The following OXR1 variants were observed in gnomAD, a reference collection of about 807,000 sequenced individuals.
OXR1 encodes oxidation resistance 1.
A neutral mutation model predicts 104.6 loss-of-function variants in OXR1; 41 were observed. The ratio of observed to expected loss-of-function variants is 0.39; its 90% CI spans 0.31 to 0.51. The LOEUF is 0.51. OXR1 is among the 20% of genes least tolerant of loss of function. The pLI is 0.77. For synonymous variants in OXR1, 348 were observed against 348.4 expected (o/e 1.00, Z 0.01); for missense variants, 955 against 1,031.9 (o/e 0.93, Z 1.02).
intron 2 of OXR1, among the ~76,000 whole-genome samples, chr8:106,431,787 T>C (rs955960990): frequency 6.6e-6 from 1 of 152,194 alleles, no homozygotes; most frequent in African/African-American, 2.4e-5. Context: ...TATCACTGTA[T>C]CTGTTTAGAG....
intron 3 of OXR1, among the ~76,000 whole-genome samples, chr8:106,572,650 T>A (rs1296877666): frequency 1.3e-5 from 2 of 152,220 alleles, no homozygotes; most frequent in South Asian, 2.1e-4. Context: ...AGCCAAGATT[T>A]TTTTTGCTTC....
At chr8:106,542,926 A>G (rs1815069469) in intron 3 of OXR1, among the ~76,000 whole-genome samples, 3 of 152,166 alleles carry the variant, frequency 2.0e-5, no homozygotes, top group Admixed American at 2.0e-4. Flanking sequence ...GATTGCCCCC[A>G]AAGAGTTGAG....
At chr8:106,504,863 T>A (rs1185292720) in intron 2 of OXR1, among the ~76,000 whole-genome samples, 1 of 152,202 alleles carries the variant, frequency 6.6e-6, no homozygotes, top group Admixed American at 6.5e-5. Flanking sequence ...CTGGCTTTGT[T>A]AATGTATAAT....
At chr8:106,392,835 G>A (rs996475259) in intron 2 of OXR1, among the ~76,000 whole-genome samples, 40 of 152,128 alleles carry the variant, frequency 2.6e-4, no homozygotes, top group African/African-American at 9.4e-4. Context: ...ACAGGATAGG[G>A]GTCATCACCC....
chr8:106,337,936 T>C (rs907523361), intron 1 of OXR1, among the ~76,000 whole-genome samples: 1 of 152,222 alleles, frequency 6.6e-6, no homozygotes, highest in Admixed American at 6.5e-5. Flanking sequence ...TGGCTTTTTA[T>C]AGGTTTAGGA....
At chr8:106,661,245 A>G (rs918036768) in intron 3 of OXR1, among the ~76,000 whole-genome samples, 1 of 152,128 alleles carries the variant, frequency 6.6e-6, no homozygotes, top group African/African-American at 2.4e-5. Flanking sequence ...CTATAAAGAA[A>G]CCACTTACTG....
intron 3 of OXR1, among the ~76,000 whole-genome samples, chr8:106,524,082 G>A (rs534340227): frequency 7.2e-5 from 11 of 152,182 alleles, no homozygotes; most frequent in Non-Finnish European, 1.2e-4. Context: ...GGCCTGGAGT[G>A]GAATTTTTTA....
chr8:106,641,574 T>C (rs1473234259), intron 3 of OXR1, among the ~76,000 whole-genome samples: 1 of 152,154 alleles, frequency 6.6e-6, no homozygotes, highest in Non-Finnish European at 1.5e-5. Context: ...CAACATCCAG[T>C]AGAATAGGGT....
chr8:106,273,174 C>T (rs1811887328), intron 1 of OXR1, among the ~76,000 whole-genome samples: 1 of 151,668 alleles, frequency 6.6e-6, no homozygotes, highest in Non-Finnish European at 1.5e-5. Flanking sequence ...AGGATTGTTC[C>T]CTAAATCCTG....
intron 3 of OXR1, among the ~76,000 whole-genome samples, chr8:106,650,745 A>T (rs1824497836): frequency 6.6e-6 from 1 of 152,216 alleles, no homozygotes. Flanking sequence ...GAAATGTTTT[A>T]TTTGTATGTG....
chr8:106,562,989 A>G (rs1213046614), intron 3 of OXR1, among the ~76,000 whole-genome samples: 2 of 152,250 alleles, frequency 1.3e-5, no homozygotes, highest in Non-Finnish European at 2.9e-5. Context: ...ATGGAGAGGA[A>G]AAACCAGTTA....
At chr8:106,605,561 G>A (rs955659768) in intron 3 of OXR1, among the ~76,000 whole-genome samples, 4 of 151,306 alleles carry the variant, frequency 2.6e-5, no homozygotes, top group Non-Finnish European at 5.9e-5. Context: ...TTTGGAGGCT[G>A]AGGCAGGTGG....
At chr8:106,680,893 A>G (rs188167589) in intron 4 of OXR1, among the ~76,000 whole-genome samples, 44 of 152,182 alleles carry the variant, frequency 2.9e-4, no homozygotes, top group Admixed American at 2.1e-3. Context: ...TTCAGGTTGC[A>G]GTCTTTAGAG....
chr8:106,444,692 G>C (rs375530683), intron 2 of OXR1, among the ~76,000 whole-genome samples: 1 of 151,228 alleles, frequency 6.6e-6, no homozygotes, highest in East Asian at 1.9e-4. Context: ...TGTTGGGGGT[G>C]GGGGGTGAGG....
chr8:106,587,415 T>C (rs1818714593), intron 3 of OXR1, among the ~76,000 whole-genome samples: 2 of 152,182 alleles, frequency 1.3e-5, no homozygotes, highest in African/African-American at 2.4e-5. Context: ...TATGAAAATA[T>C]ACTACAAAGA....
At chr8:106,592,189 A>G (rs765980426) in intron 3 of OXR1, among the ~76,000 whole-genome samples, 2 of 152,208 alleles carry the variant, frequency 1.3e-5, no homozygotes, top group Non-Finnish European at 2.9e-5. Context: ...CTGTGTGCCT[A>G]CGTAGAAGTA....
chr8:106,711,734 C>T (rs904354019), intron 10 of OXR1, among the ~76,000 whole-genome samples: 6 of 152,034 alleles, frequency 3.9e-5, no homozygotes, highest in African/African-American at 1.4e-4. Flanking sequence ...CTCTGTACCT[C>T]CTTTCCTACA....
rs546756692 is a variant in OXR1, at chr8:106,661,261, T to C, written c.221-17949T>C. Among the ~76,000 whole-genome samples the C allele has an allele frequency of 7.8e-4, 119 of 152,342 alleles. 1 individual carries two copies. Among genetic ancestry groups the C allele is most frequent in the Admixed American group, 1.7e-3 (26 of 15,296 alleles). ...TATAAAGAAACCACTTACTGAACTG[T>C]TAATGTCTCTCCTTCCTTTACTCCT... On this transcript the variant is annotated intron_variant, in intron 3 of 16. Coordinates refer to ENST00000517566, the MANE Select transcript of OXR1 (RefSeq NM_001198533.2).
At chr8:106,745,666 T>G in intron 15 of OXR1, 123 bp from the exon 16 acceptor site, 1 of 499,204 alleles carries the variant, frequency 2.0e-6, no homozygotes, top group Non-Finnish European at 3.5e-6. Flanking sequence ...CGGAGCTTTT[T>G]GTGGTGTTCT....
Sources: allele counts gnomAD v4.1 joint callset (sites outside exome capture counted in the v4.1 genomes callset), GRCh38; gene constraint gnomAD v4.1.1; transcripts MANE v1.5; gene names NCBI Gene and HGNC (gene_info 2026-07-23, HGNC 2026-07-21).